The following ADGRL3 variants were observed in gnomAD, a reference collection of about 807,000 sequenced individuals.
ADGRL3 encodes calcium-independent alpha-latrotoxin receptor 3.
In ADGRL3, 62 loss-of-function variants were observed where a neutral mutation model predicts 153.5. That is an observed-to-expected ratio of 0.40 (90% CI 0.33 to 0.50). The LOEUF is 0.50. Among genes scored for constraint, ADGRL3 ranks in the 20% least tolerant of loss-of-function variants. ADGRL3 has a pLI of 0.47. For synonymous variants in ADGRL3, 710 were observed against 672.5 expected, an observed-to-expected ratio of 1.06 and a Z score of -0.86; for missense variants, 1,641 against 1,859.4, an observed-to-expected ratio of 0.88 and a Z score of 2.16.
At position 61,376,313 on chromosome 4, in the gene ADGRL3, C is replaced by A. The variant is rs76788584; in HGVS notation, c.-239-6811C>A. Among the ~76,000 whole-genome samples the A allele has an allele frequency of 6.6e-3, 724 of 109,886 alleles. 9 individuals carry two copies. Among genetic ancestry groups the A allele is most frequent in the African/African-American group, 0.021 (697 of 33,180 alleles). 72.1% of individuals were successfully genotyped at this position (109,886 alleles called of 152,430 possible). ...GAAGTTGGAAACCATGATTAGTATG[C>A]AAATACCACTTGTCATGTGTAATTA... On this transcript the variant is annotated intron_variant, in intron 1 of 26. Transcript: ENST00000683033.
intron 1 of ADGRL3, among the ~76,000 whole-genome samples, chr4:61,230,206 C>A (rs1749993436): frequency 6.6e-6 from 1 of 152,160 alleles, no homozygotes; most frequent in African/African-American, 2.4e-5. Context: ...CTGCTAGAAG[C>A]CCTTAACACA....
At chr4:61,541,159 G>C (rs1189672918) in intron 4 of ADGRL3, among the ~76,000 whole-genome samples, 1 of 152,046 alleles carries the variant, frequency 6.6e-6, no homozygotes, top group East Asian at 1.9e-4. Context: ...TGGGTAGAAG[G>C]AGTTCGTGGC....
intron 1 of ADGRL3, among the ~76,000 whole-genome samples, chr4:61,357,048 T>C (rs2096187385): frequency 6.6e-6 from 1 of 152,066 alleles, no homozygotes; most frequent in Non-Finnish European, 1.5e-5. Context: ...TCCATTAAAG[T>C]GTCATTAATT....
chr4:61,759,945 C>T (rs1031605418), intron 8 of ADGRL3, among the ~76,000 whole-genome samples: 2 of 152,196 alleles, frequency 1.3e-5, no homozygotes, highest in African/African-American at 4.8e-5. Context: ...GCTCCAGACC[C>T]TGTTTGCCTG....
At chr4:61,691,209 G>A (rs917768444) in intron 6 of ADGRL3, among the ~76,000 whole-genome samples, 1 of 152,170 alleles carries the variant, frequency 6.6e-6, no homozygotes, top group African/African-American at 2.4e-5. Flanking sequence ...TATAGTACTT[G>A]ATCAAATCTT....
At chr4:62,056,823 A>G (rs1040223242) in intron 25 of ADGRL3, among the ~76,000 whole-genome samples, 32 of 152,146 alleles carry the variant, frequency 2.1e-4, no homozygotes, top group Admixed American at 2.0e-3. Flanking sequence ...CATCAGAGTA[A>G]AACTATTTTA....
chr4:61,851,121 A>G (rs1216736761), intron 9 of ADGRL3, among the ~76,000 whole-genome samples: 5 of 152,286 alleles, frequency 3.3e-5, no homozygotes, highest in South Asian at 2.1e-4. Flanking sequence ...GTTTTTAATT[A>G]CATACTTAAT....
intron 5 of ADGRL3, among the ~76,000 whole-genome samples, chr4:61,656,232 G>A (rs1010679041): frequency 6.6e-5 from 10 of 152,126 alleles, no homozygotes; most frequent in African/African-American, 2.4e-4. Flanking sequence ...ATTTGTGACT[G>A]TAATACAGGA....
chr4:61,216,889 C>A (rs1743047277), intron 1 of ADGRL3, among the ~76,000 whole-genome samples: 2 of 152,276 alleles, frequency 1.3e-5, no homozygotes, highest in African/African-American at 4.8e-5. Flanking sequence ...ACTTATTGCA[C>A]ACTGTCTAGA....
chr4:61,843,247 T>C lies in ADGRL3; in HGVS notation c.1480+29358T>C, dbSNP rs145266063. 1.8e-3 allele frequency among the ~76,000 whole-genome samples: 279 copies of C among 152,298 alleles called. 1 individual carries two copies. Among genetic ancestry groups the C allele is most frequent in the African/African-American group, 6.2e-3 (258 of 41,576 alleles). On this transcript the variant is annotated intron_variant, in intron 9 of 26. Coordinates refer to ENST00000683033, the MANE Select transcript of ADGRL3 (RefSeq NM_001387552.1). ...GTTTATGGATATAAACTTATAGATA[T>C]GCAAAAACCAATGTAGGAGAGGCTG...
chr4:61,450,074 A>G (rs1306226879), intron 2 of ADGRL3, among the ~76,000 whole-genome samples: 2 of 152,178 alleles, frequency 1.3e-5, no homozygotes, highest in Admixed American at 1.3e-4. Flanking sequence ...TGAAAACCCA[A>G]ATGGATTTGT....
intron 5 of ADGRL3, among the ~76,000 whole-genome samples, chr4:61,673,943 T>C (rs1156461854): frequency 6.6e-6 from 1 of 151,270 alleles, no homozygotes; most frequent in Non-Finnish European, 1.5e-5. Flanking sequence ...TTTTGTTTTA[T>C]ATACCACTGA....
At chr4:62,053,116 G>A (rs1485865516) in intron 25 of ADGRL3, among the ~76,000 whole-genome samples, 2 of 151,456 alleles carry the variant, frequency 1.3e-5, no homozygotes, top group East Asian at 1.9e-4. Flanking sequence ...TTCTAACAGA[G>A]TCATCATTGG....
intron 21 of ADGRL3, among the ~76,000 whole-genome samples, chr4:62,011,516 A>T (rs564581047): frequency 2.0e-5 from 3 of 152,178 alleles, no homozygotes; most frequent in Admixed American, 2.0e-4. Context: ...CTTATGATCT[A>T]CTTCAGAGAG....
intron 8 of ADGRL3, among the ~76,000 whole-genome samples, chr4:61,782,606 A>C (rs962461883): frequency 1.6e-4 from 24 of 152,206 alleles, no homozygotes; most frequent in African/African-American, 5.5e-4. Flanking sequence ...ATAAATACAC[A>C]GTCACATACC....
chr4:61,304,445 G>A (rs2094698140), intron 1 of ADGRL3, among the ~76,000 whole-genome samples: 1 of 152,170 alleles, frequency 6.6e-6, no homozygotes, highest in Non-Finnish European at 1.5e-5. Context: ...ATGGCAGCAG[G>A]CAGTGAGGAG....
At chr4:61,297,249 A>G (rs553142852) in intron 1 of ADGRL3, among the ~76,000 whole-genome samples, 2 of 152,260 alleles carry the variant, frequency 1.3e-5, no homozygotes, top group African/African-American at 2.4e-5. Context: ...ACATTACTAA[A>G]TAGATCCCAG....
At position 61,592,156 on chromosome 4, in the gene ADGRL3, A is replaced by G. The variant is rs370211674; in HGVS notation, c.473+4716A>G. On this transcript the variant is annotated intron_variant, in intron 5 of 26. Coordinates refer to ENST00000683033, the MANE Select transcript of ADGRL3 (RefSeq NM_001387552.1). ...TTTCAGTTCATATCAATAGCACTGA[A>G]GGTAATTTTATAGCTTACAAAAGAT... Among the ~76,000 whole-genome samples the G allele has an allele frequency of 8.6e-5, 13 of 152,004 alleles. 1 individual carries two copies. The highest frequency in any genetic ancestry group is 3.1e-4 in the African/African-American group (13 of 41,462).
chr4:61,437,531 C>T (rs1468770961), intron 2 of ADGRL3, among the ~76,000 whole-genome samples: 3 of 152,112 alleles, frequency 2.0e-5, no homozygotes, highest in Non-Finnish European at 4.4e-5. Context: ...TTCTTGCTGC[C>T]ACTGCTATTT....
Sources: gnomAD v4.1 joint callset for allele counts (sites outside exome capture counted in the v4.1 genomes callset) on GRCh38, gnomAD v4.1.1 for gene constraint, MANE v1.5 for transcripts, NCBI Gene and HGNC (gene_info 2026-07-23, HGNC 2026-07-21) for gene names.